The following ATP8A2 variants were observed in gnomAD, a reference collection of about 807,000 sequenced individuals.
The protein encoded by ATP8A2 is ATPase phospholipid transporting 8A2.
ATP8A2 carries 100 observed loss-of-function variants against 165.6 expected under a neutral mutation model. The ratio of observed to expected loss-of-function variants is 0.60; its 90% CI spans 0.51 to 0.71. The LOEUF (loss-of-function observed/expected upper bound fraction) is 0.71, where lower values mean the gene tolerates loss of function less well. Among genes scored for constraint, ATP8A2 ranks in the 30% least tolerant of loss-of-function variants. ATP8A2 has a pLI of 0.00. For synonymous variants in ATP8A2, 543 were observed against 548.8 expected (o/e 0.99, Z 0.15); for missense variants, 1,227 against 1,479.5 (o/e 0.83, Z 2.80).
At chr13:25,968,500 A>C in intron 34 of ATP8A2, 75 bp from the exon 35 acceptor site, 1 of 1,319,564 alleles carries the variant, frequency 7.6e-7, no homozygotes. Flanking sequence ...GTGGCCTGAG[A>C]GGGGAGCGGC....
At chr13:25,553,041 A>C (rs1271560377) in intron 11 of ATP8A2, among the ~76,000 whole-genome samples, 1 of 151,976 alleles carries the variant, frequency 6.6e-6, no homozygotes, top group East Asian at 1.9e-4. Flanking sequence ...AGTTCCCTTC[A>C]CAGCTTTAAT....
intron 28 of ATP8A2, among the ~76,000 whole-genome samples, 171 bp downstream of exon 28, chr13:25,828,363 A>G (rs1284895399): frequency 1.3e-5 from 2 of 152,190 alleles, no homozygotes; most frequent in African/African-American, 4.8e-5. Context: ...GCAGAAGCCC[A>G]AACTCTCCAC....
intron 11 of ATP8A2, among the ~76,000 whole-genome samples, chr13:25,552,266 T>C (rs12428384): frequency 0.65 from 98,231 of 151,980 alleles, 32,863 homozygotes; most frequent in Middle Eastern, 0.72. Flanking sequence ...GGATTACAGG[T>C]GTGAGTCACC....
intron 33 of ATP8A2, among the ~76,000 whole-genome samples, chr13:25,897,722 C>G (rs1953603153): frequency 6.6e-6 from 1 of 152,146 alleles, no homozygotes; most frequent in Admixed American, 6.6e-5. Flanking sequence ...TTCTTGGAGG[C>G]TTTGTTCGTT....
chr13:25,554,513 GTGTGTGTGTGTGTGTA>G (rs1383872411), intron 12 of ATP8A2, among the ~76,000 whole-genome samples: 5 of 80,330 alleles, frequency 6.2e-5, no homozygotes, highest in Non-Finnish European at 1.1e-4. Context: ...TATAAATCAT[GTGTGTGTGTGTGTGTA>G]TGTGTGTGTG....
intron 24 of ATP8A2, among the ~76,000 whole-genome samples, chr13:25,657,224 A>G: frequency 6.6e-6 from 1 of 152,164 alleles, no homozygotes; most frequent in East Asian, 1.9e-4. Flanking sequence ...AGGAAACCAA[A>G]GTGCAAAATA....
intron 27 of ATP8A2, among the ~76,000 whole-genome samples, chr13:25,804,227 C>T (rs1035134707): frequency 6.6e-6 from 1 of 152,118 alleles, no homozygotes; most frequent in Non-Finnish European, 1.5e-5. Context: ...TAAGGAATGG[C>T]CGTTTTAATG....
chr13:25,755,734 C>T (rs1421650495), intron 25 of ATP8A2, among the ~76,000 whole-genome samples: 1 of 151,902 alleles, frequency 6.6e-6, no homozygotes, highest in African/African-American at 2.4e-5. Flanking sequence ...GTGAAACCCC[C>T]TCTCTACTAA....
intron 27 of ATP8A2, among the ~76,000 whole-genome samples, chr13:25,793,859 A>G (rs1410682941): frequency 1.3e-5 from 2 of 152,106 alleles, no homozygotes; most frequent in Non-Finnish European, 2.9e-5. Context: ...GAATCTTTTT[A>G]CTTTTAAAAA....
intron 24 of ATP8A2, among the ~76,000 whole-genome samples, chr13:25,670,213 C>G (rs1371305629): frequency 6.6e-6 from 1 of 152,194 alleles, no homozygotes; most frequent in African/African-American, 2.4e-5. Flanking sequence ...TTTGAGTGCC[C>G]TACTCCACCA....
chr13:25,475,337 C>T (rs550942397), intron 2 of ATP8A2, among the ~76,000 whole-genome samples: 1 of 152,318 alleles, frequency 6.6e-6, no homozygotes, highest in East Asian at 1.9e-4. Context: ...CACATTCCCG[C>T]AAAAGACATG....
chr13:25,934,285 G>T (rs1343860143), intron 33 of ATP8A2, among the ~76,000 whole-genome samples: 1 of 152,190 alleles, frequency 6.6e-6, no homozygotes, highest in Admixed American at 6.5e-5. Flanking sequence ...AATCCATTAG[G>T]TAAGTGTCTG....
chr13:25,776,895 G>A (rs995870630), intron 27 of ATP8A2, among the ~76,000 whole-genome samples: 6 of 151,856 alleles, frequency 4.0e-5, no homozygotes, highest in Non-Finnish European at 7.4e-5. Context: ...ATTCTGCGTG[G>A]AGCTCCCAAT....
chr13:25,655,187 G>A (rs1053839842), intron 24 of ATP8A2, among the ~76,000 whole-genome samples: 2 of 152,124 alleles, frequency 1.3e-5, no homozygotes, highest in Admixed American at 6.5e-5. Context: ...TCAAGACAGA[G>A]TCTCACTCTG....
chr13:25,757,041 A>G (rs1450214794), intron 25 of ATP8A2, among the ~76,000 whole-genome samples: 1 of 152,090 alleles, frequency 6.6e-6, no homozygotes, highest in East Asian at 1.9e-4. Flanking sequence ...CACATTGCCA[A>G]CGCCTGAGTT....
intron 1 of ATP8A2, among the ~76,000 whole-genome samples, chr13:25,401,210 C>A (rs986794976): frequency 6.6e-6 from 1 of 151,852 alleles, no homozygotes; most frequent in African/African-American, 2.4e-5. Context: ...TCCAGTATTG[C>A]AGAATAGTGA....
chr13:25,799,085 A>G (rs1382658288), intron 27 of ATP8A2, among the ~76,000 whole-genome samples: 1 of 146,038 alleles, frequency 6.8e-6, no homozygotes, highest in Non-Finnish European at 1.5e-5. Context: ...TCAAAGGAAA[A>G]TAAAGATTAA....
At chr13:25,848,342 C>A (rs1951922341) in intron 30 of ATP8A2, among the ~76,000 whole-genome samples, 1 of 152,244 alleles carries the variant, frequency 6.6e-6, no homozygotes, top group African/African-American at 2.4e-5. Context: ...TTTGCTCTTA[C>A]CCACATCTGG....
chr13:25,645,197 A>C (rs1444422353), intron 24 of ATP8A2, among the ~76,000 whole-genome samples: 1 of 152,202 alleles, frequency 6.6e-6, no homozygotes, highest in African/African-American at 2.4e-5. Flanking sequence ...GGCATTTCTT[A>C]CATGGCTGCA....
Sources: gnomAD v4.1 joint callset for allele counts (sites outside exome capture counted in the v4.1 genomes callset) on GRCh38, gnomAD v4.1.1 for gene constraint, MANE v1.5 for transcripts, NCBI Gene and HGNC (gene_info 2026-07-23, HGNC 2026-07-21) for gene names.